Variants in TTC28 observed in about 807,000 individuals in gnomAD.
TTC28 encodes the protein tetratricopeptide repeat protein 28.
TTC28 carries 61 observed loss-of-function variants against 198.0 expected under a neutral mutation model. The ratio of observed to expected loss-of-function variants is 0.31; its 90% CI spans 0.25 to 0.38. The LOEUF is 0.38. Ranked by LOEUF, TTC28 falls within the 10% of genes least tolerant of loss-of-function variation. The pLI is 1.00. For missense variants in TTC28, 2,678 were observed against 3,164.0 expected (o/e 0.85, Z 3.69); for synonymous variants, 1,171 against 1,297.8 (o/e 0.90, Z 2.10).
intron 2 of TTC28, among the ~76,000 whole-genome samples, chr22:28,618,773 T>C (rs1165146299): frequency 6.7e-6 from 1 of 149,876 alleles, no homozygotes; most frequent in Non-Finnish European, 1.5e-5. Flanking sequence ...AAAAATCAAC[T>C]AAATACCATT....
chr22:28,406,120 C>T (rs1347737928), intron 2 of TTC28, among the ~76,000 whole-genome samples: 1 of 152,194 alleles, frequency 6.6e-6, no homozygotes, highest in African/African-American at 2.4e-5. Flanking sequence ...TCTTAGTATT[C>T]CTGTCTATTA....
intron 2 of TTC28, among the ~76,000 whole-genome samples, chr22:28,348,717 G>A (rs1029687792): frequency 1.6e-4 from 25 of 152,102 alleles, no homozygotes; most frequent in Non-Finnish European, 2.9e-5. Flanking sequence ...CTAACCAATC[G>A]ATGGCTTCTG....
intron 6 of TTC28, among the ~76,000 whole-genome samples, chr22:28,149,607 GA>G (rs1226803583): frequency 6.6e-6 from 1 of 152,198 alleles, no homozygotes; most frequent in African/African-American, 2.4e-5. Context: ...TGCAGGGTCA[GA>G]ATCATCAATA....
At chr22:28,366,681 C>G (rs1166048151) in intron 2 of TTC28, among the ~76,000 whole-genome samples, 1 of 151,982 alleles carries the variant, frequency 6.6e-6, no homozygotes, top group African/African-American at 2.4e-5. Flanking sequence ...GCAATGATCT[C>G]TTGCCTACAA....
intron 5 of TTC28, among the ~76,000 whole-genome samples, chr22:28,214,374 T>C (rs1407520389): frequency 1.3e-5 from 2 of 152,056 alleles, no homozygotes; most frequent in Non-Finnish European, 2.9e-5. Flanking sequence ...ATTTTTACAA[T>C]CTACTCATCT....
intron 6 of TTC28, among the ~76,000 whole-genome samples, chr22:28,122,312 T>C (rs1942808916): frequency 6.6e-6 from 1 of 152,232 alleles, no homozygotes; most frequent in African/African-American, 2.4e-5. Flanking sequence ...GCAGAGAAAT[T>C]GGTTTTATTA....
intron 2 of TTC28, among the ~76,000 whole-genome samples, chr22:28,562,855 G>A (rs1359796744): frequency 6.6e-6 from 1 of 152,230 alleles, no homozygotes; most frequent in Non-Finnish European, 1.5e-5. Flanking sequence ...CAGCACAGTG[G>A]CTCATGCCTG....
Position 28,005,137 on chromosome 22 carries a change from G to A in TTC28, c.4219-3584C>T, listed in dbSNP as rs1435044064. On this transcript the variant is annotated intron_variant, in intron 14 of 22. Transcript: ENST00000397906. The surrounding 1 kb of genome is among the most constrained non-coding windows in gnomAD (Gnocchi z 4.9). ...ACTAGAATCTGTCTCTTCCCCAGGG[G>A]TGCCGCCCTGCGCTCTCACCAAGGG... Among the ~76,000 whole-genome samples, 1 of 152,190 alleles carries A rather than the reference G, an allele frequency of 6.6e-6. No homozygotes were observed. The highest frequency in any genetic ancestry group is 2.4e-5 in the African/African-American group (1 of 41,450).
At chr22:28,566,254 C>T (rs2049967282) in intron 2 of TTC28, among the ~76,000 whole-genome samples, 2 of 152,108 alleles carry the variant, frequency 1.3e-5, no homozygotes, top group South Asian at 4.2e-4. Context: ...TGACTGGCCA[C>T]AATTCCAAGA....
rs762260745 is a variant in TTC28 at position 28,297,785 on chromosome 22, C to T, written c.597G>A (p.Val199=). 9.7e-6 allele frequency: 15 copies of T among 1,551,552 alleles called. No homozygotes were observed. In the African/African-American group the frequency reaches 1.9e-4, roughly 20 times the overall value. Residue 199 remains valine, a synonymous_variant, in exon 4 of 23, where the codon GTG becomes GTA. Transcript: ENST00000397906. The part of the protein sequence containing the change: ...MKLDKSPFVV[V]SVVGQELLTA... ...TCAGGAGTTCCTGCCCAACCACAGA[C>T]ACGACCACAAAGGGACTCTTGTCCA... is the stretch of plus-strand genomic sequence containing the variant.
At chr22:28,593,945 T>A (rs578242325) in intron 2 of TTC28, among the ~76,000 whole-genome samples, 2 of 152,170 alleles carry the variant, frequency 1.3e-5, no homozygotes, top group Admixed American at 6.5e-5. Context: ...AAGGAAAAAA[T>A]CAGCTATAGA....
At chr22:28,090,250 C>A (rs1469111667) in intron 12 of TTC28, among the ~76,000 whole-genome samples, 1 of 151,880 alleles carries the variant, frequency 6.6e-6, no homozygotes, top group Non-Finnish European at 1.5e-5. Context: ...AGCCTAGTCT[C>A]CTTCTGAGAA....
At position 27,990,315 on chromosome 22, in the gene TTC28, A is replaced by C. The variant is rs1937356102; in HGVS notation, c.5578-308T>G. On this transcript the variant is annotated intron_variant, in intron 20 of 22. Coordinates refer to ENST00000397906, the MANE Select transcript of TTC28 (RefSeq NM_001145418.2). ...TCACAGGAGAGGCCATGGAGAGTAGAAGGGGTGAGTTAGGGGACCGGCCAC... is the reference window on the plus strand; with the variant it reads ...TCACAGGAGAGGCCATGGAGAGTAGCAGGGGTGAGTTAGGGGACCGGCCAC... Among the ~76,000 whole-genome samples the C allele has an allele frequency of 2.0e-5, 3 of 152,102 alleles. 1 individual carries two copies. In the South Asian group the frequency reaches 6.2e-4, roughly 32 times the overall value.
intron 14 of TTC28, chr22:28,006,758 AT>A (rs1468110862): frequency 6.6e-6 from 1 of 152,186 alleles, no homozygotes; most frequent in Non-Finnish European, 1.5e-5. Context: ...GTGAATTCTG[AT>A]TGGATTGCCG....
intron 2 of TTC28, among the ~76,000 whole-genome samples, chr22:28,412,086 T>G (rs1052523451): frequency 1.3e-5 from 2 of 152,214 alleles, no homozygotes; most frequent in African/African-American, 4.8e-5. Context: ...TATCCCCTGT[T>G]TTAGTTGGTG....
chr22:28,236,377 T>C (rs770264345), intron 5 of TTC28, among the ~76,000 whole-genome samples: 9 of 152,200 alleles, frequency 5.9e-5, no homozygotes, highest in Non-Finnish European at 1.2e-4. Flanking sequence ...TGACCGATAT[T>C]ATTATTGGTG....
chr22:28,346,420 C>G (rs1452809128), intron 2 of TTC28, among the ~76,000 whole-genome samples: 1 of 152,188 alleles, frequency 6.6e-6, no homozygotes, highest in Non-Finnish European at 1.5e-5. Context: ...ATTGAGGCTA[C>G]TTTATGTTCA....
At chr22:28,653,536 C>A (rs1296144772) in intron 1 of TTC28, among the ~76,000 whole-genome samples, 1 of 151,792 alleles carries the variant, frequency 6.6e-6, no homozygotes, top group African/African-American at 2.4e-5. Context: ...ACCATAAATC[C>A]TCTCTTCCAG....
At chr22:28,203,692 C>A (rs192616149) in intron 5 of TTC28, among the ~76,000 whole-genome samples, 1 of 152,172 alleles carries the variant, frequency 6.6e-6, no homozygotes, top group African/African-American at 2.4e-5. Flanking sequence ...GTATTCTCCA[C>A]CCCCAACCAC....
Sources: gnomAD v4.1 joint callset for allele counts (sites outside exome capture counted in the v4.1 genomes callset) on GRCh38, gnomAD v4.1.1 for gene constraint, Gnocchi (gnomAD v3.1) non-coding constraint, MANE v1.5 for transcripts, NCBI Gene and HGNC (gene_info 2026-07-23, HGNC 2026-07-21) for gene names.